Variants in CUX1 observed in about 807,000 individuals in gnomAD.
CUX1 encodes the protein protein CASP.
In CUX1, 31 loss-of-function variants were observed where a neutral mutation model predicts 158.8. That is an observed-to-expected ratio of 0.20 (90% CI 0.15 to 0.26). CUX1 has a LOEUF of 0.26. Among genes scored for constraint, CUX1 ranks in the 10% least tolerant of loss-of-function variants. The pLI, the probability that CUX1 is intolerant of heterozygous loss-of-function variation, is 1.00. For synonymous variants in CUX1, 879 were observed against 862.1 expected, an observed-to-expected ratio of 1.02 and a Z score of -0.34; for missense variants, 1,589 against 2,014.6, an observed-to-expected ratio of 0.79 and a Z score of 4.04.
chr7:101,893,142 CTTTTTA>C (rs1283124406), intron 1 of CUX1, among the ~76,000 whole-genome samples: 2 of 88,496 alleles, frequency 2.3e-5, no homozygotes, highest in East Asian at 2.3e-4. Context: ...TTTCTTTTTA[CTTTTTA>C]TTTTTATTAC....
chr7:102,229,816 C>T (rs892075640), intron 21 of CUX1, among the ~76,000 whole-genome samples: 5 of 151,828 alleles, frequency 3.3e-5, no homozygotes, highest in Non-Finnish European at 5.9e-5. Context: ...CAGAGTTTCA[C>T]CATGCTGCCA....
chr7:102,237,082 C>A (rs536108265), intron 22 of CUX1, among the ~76,000 whole-genome samples: 1 of 152,194 alleles, frequency 6.6e-6, no homozygotes, highest in Non-Finnish European at 1.5e-5. Context: ...GGAGTCCCCA[C>A]GGTTGGACAA....
chr7:102,049,948 C>T (rs913929764), intron 3 of CUX1, among the ~76,000 whole-genome samples: 43 of 152,088 alleles, frequency 2.8e-4, no homozygotes, highest in Admixed American at 1.2e-3. Flanking sequence ...AGCGCAGGCA[C>T]GAGGAGGGCT....
intron 2 of CUX1, among the ~76,000 whole-genome samples, chr7:102,012,304 C>T (rs1438731992): frequency 1.3e-5 from 2 of 152,148 alleles, no homozygotes; most frequent in Non-Finnish European, 2.9e-5. Context: ...TCTCATGTCT[C>T]AGCCTCCCAA....
intron 1 of CUX1, among the ~76,000 whole-genome samples, chr7:101,914,499 CTTCT>C (rs927252903): frequency 5.4e-5 from 8 of 148,164 alleles, no homozygotes; most frequent in East Asian, 2.0e-4. Context: ...TCCTTCCTTT[CTTCT>C]TTCTTTCTTT....
At position 102,129,594 on chromosome 7, in the gene CUX1, G is replaced by A. The variant is rs553132565; in HGVS notation, c.674+14321G>A. Among the ~76,000 whole-genome samples, 49 of 152,306 alleles carry A rather than the reference G, an allele frequency of 3.2e-4. No individual in the cohort carries two copies. In the South Asian group the frequency reaches 9.5e-3, roughly 30 times the overall value. ...AGCTACTCGGGAGGCTGAAGCAGGA[G>A]AATGGCTTGAACCTGGGAGGCAGAG... On this transcript the variant is annotated intron_variant, in intron 8 of 23. Transcript: ENST00000292535.
rs1554540852 is a variant in CUX1 at position 102,253,396 on chromosome 7, G to T, written c.*4354G>T. The stretch of plus-strand genomic sequence containing the variant: ...TACTTTAAGATTATGCCACAGCCAG[G>T]CCCTAAAAAGAGAGGGGAACAGGAG... On this transcript the variant is annotated 3_prime_UTR_variant, in exon 24 of 24. Coordinates refer to ENST00000292535, the MANE Select transcript of CUX1 (RefSeq NM_181552.4). The T allele has an allele frequency of 1.0e-6, 1 of 985,332 alleles. No individual in the cohort carries two copies. Among genetic ancestry groups the T allele is most frequent in the East Asian group, 1.1e-4 (1 of 8,828 alleles). 61.0% of individuals were successfully genotyped at this position (985,332 alleles called of 1,614,324 possible). A position where few individuals can be genotyped will look rare whatever the true frequency, so the allele number is the denominator to read the frequency against.
At chr7:102,112,502 A>C (rs976409180) in intron 7 of CUX1, among the ~76,000 whole-genome samples, 2 of 151,880 alleles carry the variant, frequency 1.3e-5, no homozygotes, top group Non-Finnish European at 2.9e-5. Flanking sequence ...CAGGCTCCCA[A>C]AGTGCTGGGA....
chr7:101,993,928 C>T (rs911556919), intron 2 of CUX1, among the ~76,000 whole-genome samples: 1 of 152,212 alleles, frequency 6.6e-6, no homozygotes, highest in African/African-American at 2.4e-5. Flanking sequence ...TCTCTGTCCT[C>T]CCAGCCCCAA....
intron 1 of CUX1, among the ~76,000 whole-genome samples, chr7:101,865,157 G>A (rs1433958113): frequency 6.6e-6 from 1 of 152,148 alleles, no homozygotes; most frequent in Non-Finnish European, 1.5e-5. Context: ...TCCCCCTGCC[G>A]TGGCTGCCCA....
At chr7:102,055,171 G>A (rs774717168) in intron 3 of CUX1, among the ~76,000 whole-genome samples, 45 of 151,690 alleles carry the variant, frequency 3.0e-4, no homozygotes, top group Non-Finnish European at 3.7e-4. Flanking sequence ...AAATTTATTC[G>A]TAAGTATTTT....
At chr7:102,247,002 A>T (rs1424078598) in intron 23 of CUX1, among the ~76,000 whole-genome samples, 1 of 152,152 alleles carries the variant, frequency 6.6e-6, no homozygotes, top group Non-Finnish European at 1.5e-5. Flanking sequence ...CCTGCACTCC[A>T]GCCTAAGCAA....
chr7:101,858,243 G>A (rs1797093960), intron 1 of CUX1, among the ~76,000 whole-genome samples: 1 of 152,228 alleles, frequency 6.6e-6, no homozygotes, highest in South Asian at 2.1e-4. Flanking sequence ...TTAAGCAGCA[G>A]CTAACCAAGC....
intron 15 of CUX1, among the ~76,000 whole-genome samples, chr7:102,197,909 T>G (rs782595483): frequency 6.6e-6 from 1 of 152,176 alleles, no homozygotes; most frequent in African/African-American, 2.4e-5. Context: ...TTAAGCACCC[T>G]TTCTACCCCA....
At chr7:101,823,846 A>C (rs1792954885) in intron 1 of CUX1, among the ~76,000 whole-genome samples, 3 of 152,214 alleles carry the variant, frequency 2.0e-5, no homozygotes, top group Admixed American at 2.0e-4. Context: ...CGTCATTAAA[A>C]ATTTATCTGG....
At chr7:102,241,712 A>T (rs1440025101) in intron 23 of CUX1, among the ~76,000 whole-genome samples, 2 of 152,256 alleles carry the variant, frequency 1.3e-5, no homozygotes, top group Non-Finnish European at 2.9e-5. Flanking sequence ...AACTGAGCGC[A>T]CCTGCTACGT....
chr7:102,098,364 C>T (rs1166384996), intron 5 of CUX1, among the ~76,000 whole-genome samples: 14 of 152,278 alleles, frequency 9.2e-5, no homozygotes, highest in African/African-American at 2.2e-4. Context: ...GTAATCCCAG[C>T]GCTTTGAGAG....
At chr7:102,013,101 C>T (rs1041331028) in intron 2 of CUX1, among the ~76,000 whole-genome samples, 4 of 148,520 alleles carry the variant, frequency 2.7e-5, no homozygotes, top group African/African-American at 1.0e-4. Context: ...CTAGTTTAAA[C>T]ATTCTGCCAT....
At chr7:102,039,828 G>T (rs1299514467) in intron 3 of CUX1, among the ~76,000 whole-genome samples, 1 of 152,040 alleles carries the variant, frequency 6.6e-6, no homozygotes, top group African/African-American at 2.4e-5. Context: ...CTACAACCAC[G>T]ATCTGCATCG....
Sources: gnomAD v4.1 joint callset for allele counts (sites outside exome capture counted in the v4.1 genomes callset) on GRCh38, gnomAD v4.1.1 for gene constraint, MANE v1.5 for transcripts, NCBI Gene and HGNC (gene_info 2026-07-23, HGNC 2026-07-21) for gene names.